OLFM3: variants seen among roughly 807,000 people sequenced by gnomAD.
OLFM3 encodes the protein noelin-3.
In OLFM3, 20 loss-of-function variants were observed where a neutral mutation model predicts 48.6. That is an observed-to-expected ratio of 0.41 (90% confidence interval 0.29 to 0.60). The LOEUF (loss-of-function observed/expected upper bound fraction) is 0.60, where lower values mean the gene tolerates loss of function less well. Among genes scored for constraint, OLFM3 ranks in the 20% least tolerant of loss-of-function variants. OLFM3 has a pLI of 0.28. For synonymous variants in OLFM3, 222 were observed against 198.1 expected, an observed-to-expected ratio of 1.12 and a Z score of -1.01; for missense variants, 437 against 544.3, an observed-to-expected ratio of 0.80 and a Z score of 1.96.
At chr1:101,823,550 A>G (rs2100895271) in intron 4 of OLFM3, among the ~76,000 whole-genome samples, 1 of 152,156 alleles carries the variant, frequency 6.6e-6, no homozygotes, top group African/African-American at 2.4e-5. Context: ...CTAAGCCTGG[A>G]GAAGCAGAAG....
intron 1 of OLFM3, among the ~76,000 whole-genome samples, chr1:101,853,221 G>T (rs993005865): frequency 2.0e-5 from 3 of 151,910 alleles, no homozygotes; most frequent in Non-Finnish European, 2.9e-5. Flanking sequence ...AGGCACTCTG[G>T]CCCCCTGGCT....
intron 1 of OLFM3, among the ~76,000 whole-genome samples, chr1:101,910,355 G>A (rs1440264385): frequency 2.6e-5 from 4 of 151,876 alleles, no homozygotes; most frequent in Admixed American, 1.3e-4. Context: ...AATCCCAGCT[G>A]CTCAGGAGGC....
At chr1:101,985,297 C>T (rs1661205253) in intron 1 of OLFM3, among the ~76,000 whole-genome samples, 1 of 152,156 alleles carries the variant, frequency 6.6e-6, no homozygotes, top group African/African-American at 2.4e-5. Flanking sequence ...TCCGTTTGGT[C>T]ATGTAAGTTA....
intron 1 of OLFM3, among the ~76,000 whole-genome samples, chr1:101,948,280 T>C (rs1570656555): frequency 1.3e-5 from 2 of 152,328 alleles, no homozygotes; most frequent in Middle Eastern, 3.4e-3. Context: ...TTTTAACCTA[T>C]GAAATTTATT....
chr1:101,821,877 A>G (rs1438774333), intron 4 of OLFM3, among the ~76,000 whole-genome samples: 2 of 152,154 alleles, frequency 1.3e-5, no homozygotes, highest in Non-Finnish European at 2.9e-5. Context: ...TTTGTTTTAG[A>G]TTAGCTAAAA....
At chr1:101,911,403 T>G (rs961245914) in intron 1 of OLFM3, among the ~76,000 whole-genome samples, 4 of 152,026 alleles carry the variant, frequency 2.6e-5, no homozygotes, top group Non-Finnish European at 5.9e-5. Context: ...TGAGGTAAAA[T>G]AGATAAATGA....
At chr1:101,942,309 T>G (rs1344404674) in intron 1 of OLFM3, among the ~76,000 whole-genome samples, 1 of 152,158 alleles carries the variant, frequency 6.6e-6, no homozygotes, top group Non-Finnish European at 1.5e-5. Context: ...AGGCTGAAAG[T>G]GGAATATTGG....
chr1:101,892,432 G>A (rs377266072), intron 1 of OLFM3, among the ~76,000 whole-genome samples: 39 of 152,090 alleles, frequency 2.6e-4, no homozygotes, highest in East Asian at 1.9e-3. Context: ...TGAGATTTGC[G>A]CATGTATCTA....
intron 1 of OLFM3, among the ~76,000 whole-genome samples, chr1:101,938,757 T>G (rs909846170): frequency 8.5e-5 from 13 of 152,196 alleles, no homozygotes; most frequent in African/African-American, 3.1e-4. Context: ...TTCTTACAGC[T>G]GCCTCTCTCA....
At chr1:101,851,250 A>T (rs2100948597) in intron 1 of OLFM3, among the ~76,000 whole-genome samples, 1 of 152,198 alleles carries the variant, frequency 6.6e-6, no homozygotes, top group African/African-American at 2.4e-5. Context: ...CTAGAAAGAT[A>T]CCATTGACTA....
chr1:101,920,172 T>C (rs1283769340), intron 1 of OLFM3, among the ~76,000 whole-genome samples: 1 of 152,214 alleles, frequency 6.6e-6, no homozygotes, highest in Non-Finnish European at 1.5e-5. Context: ...ACATTACATT[T>C]TCAAATACAA....
intron 4 of OLFM3, among the ~76,000 whole-genome samples, chr1:101,822,108 A>ATG (rs762920844): frequency 3.6e-4 from 55 of 152,238 alleles, no homozygotes; most frequent in African/African-American, 1.2e-3. Flanking sequence ...CTTTGTCCAA[A>ATG]ATATCGGAAG....
intron 1 of OLFM3, among the ~76,000 whole-genome samples, chr1:101,891,619 T>C (rs886746908): frequency 2.0e-5 from 3 of 151,884 alleles, no homozygotes; most frequent in Admixed American, 2.0e-4. Flanking sequence ...CATAATGTAA[T>C]AAACATTAAA....
At chr1:101,816,972 C>T (rs186861264) in intron 4 of OLFM3, among the ~76,000 whole-genome samples, 22 of 152,196 alleles carry the variant, frequency 1.4e-4, no homozygotes, top group African/African-American at 5.1e-4. Flanking sequence ...ATTAAAGTTA[C>T]AGGAATGTAT....
At chr1:101,892,498 T>C (rs1658041131) in intron 1 of OLFM3, among the ~76,000 whole-genome samples, 4 of 152,098 alleles carry the variant, frequency 2.6e-5, no homozygotes, top group Admixed American at 6.6e-5. Flanking sequence ...TAGAAAAATA[T>C]GGTCACTCTT....
intron 1 of OLFM3, among the ~76,000 whole-genome samples, chr1:101,914,485 T>A (rs866349532): frequency 6.6e-6 from 1 of 152,224 alleles, no homozygotes; most frequent in South Asian, 2.1e-4. Flanking sequence ...GAGTCCCAAA[T>A]TCAGAGCTTA....
At position 101,820,377 on chromosome 1, in the gene OLFM3, TG is replaced by T. The variant is rs150646767; in HGVS notation, c.592+4648del. On this transcript the variant is annotated intron_variant, in intron 4 of 5. Transcript: ENST00000370103. The stretch of plus-strand genomic sequence containing the variant: ...TTATAATCTACATTAAATATCTATT[TG>T]GTGTTCTTAGGGGTGTGTACAAACT... Among the ~76,000 whole-genome samples, 1,480 of 152,214 alleles carry T rather than the reference TG, an allele frequency of 9.7e-3. 23 individuals carry two copies. The highest frequency in any genetic ancestry group is 0.034 in the African/African-American group (1,406 of 41,556).
intron 1 of OLFM3, among the ~76,000 whole-genome samples, chr1:101,909,114 C>A (rs895922702): frequency 6.6e-6 from 1 of 152,170 alleles, no homozygotes; most frequent in Non-Finnish European, 1.5e-5. Flanking sequence ...CTCAGTTATA[C>A]AATACATTTC....
chr1:101,981,342 T>A (rs763930027), intron 1 of OLFM3, among the ~76,000 whole-genome samples: 2 of 152,156 alleles, frequency 1.3e-5, no homozygotes, highest in Non-Finnish European at 2.9e-5. Flanking sequence ...CTAAAGGAAG[T>A]CTCTGCATTC....
Sources: gnomAD v4.1 joint callset for allele counts (sites outside exome capture counted in the v4.1 genomes callset) on GRCh38, gnomAD v4.1.1 for gene constraint, MANE v1.5 for transcripts, NCBI Gene and HGNC (gene_info 2026-07-23, HGNC 2026-07-21) for gene names.